RALGPS1: variants seen among roughly 807,000 people sequenced by gnomAD.
The protein encoded by RALGPS1 is Ral GEF with PH domain and SH3 binding motif 1, also known as ras-specific guanine nucleotide-releasing factor RalGPS1.
Under a neutral mutation model 78.8 loss-of-function variants are expected in RALGPS1, and 19 were observed. The ratio of observed to expected loss-of-function variants is 0.24; its 90% CI spans 0.17 to 0.35. The LOEUF is 0.35. Ranked by LOEUF, RALGPS1 falls within the 10% of genes least tolerant of loss-of-function variation. The pLI is 1.00. For synonymous variants in RALGPS1, 228 were observed against 256.3 expected, an observed-to-expected ratio of 0.89 and a Z score of 1.06; for missense variants, 454 against 688.3, an observed-to-expected ratio of 0.66 and a Z score of 3.81.
At chr9:127,093,489 C>T (rs1048620741) in intron 8 of RALGPS1, among the ~76,000 whole-genome samples, 1 of 152,230 alleles carries the variant, frequency 6.6e-6, no homozygotes, top group East Asian at 1.9e-4. Context: ...TCTACTGACT[C>T]TTGTCCTGCA....
chr9:126,975,486 C>T (rs570571300), intron 3 of RALGPS1, among the ~76,000 whole-genome samples: 10 of 152,308 alleles, frequency 6.6e-5, no homozygotes, highest in Admixed American at 2.0e-4. Flanking sequence ...CCGGTTCTCC[C>T]GGATAGGGTG....
chr9:127,109,065 G>GC (rs907293426), intron 8 of RALGPS1, among the ~76,000 whole-genome samples: 5 of 152,152 alleles, frequency 3.3e-5, no homozygotes, highest in East Asian at 1.9e-4. Flanking sequence ...AATGCCCGCA[G>GC]CCCCCTTGCT....
intron 4 of RALGPS1, 131 bp from the exon 5 acceptor site, chr9:127,034,300 A>G (rs1253814516): frequency 1.3e-6 from 1 of 755,440 alleles, no homozygotes; most frequent in Non-Finnish European, 2.3e-6. Flanking sequence ...TCTTCCACCT[A>G]GTAAAGATGG....
intron 1 of RALGPS1, among the ~76,000 whole-genome samples, chr9:126,943,095 A>C (rs990179983): frequency 2.6e-5 from 4 of 152,082 alleles, no homozygotes; most frequent in Admixed American, 2.6e-4. Context: ...TTTATAGTTC[A>C]TTGATGTCAT....
At chr9:127,104,843 C>T (rs1441021757) in intron 8 of RALGPS1, among the ~76,000 whole-genome samples, 3 of 152,258 alleles carry the variant, frequency 2.0e-5, no homozygotes, top group Non-Finnish European at 4.4e-5. Flanking sequence ...AAAGGTATTT[C>T]TGGCTAAGTG....
intron 1 of RALGPS1, among the ~76,000 whole-genome samples, chr9:126,945,638 G>A (rs964390310): frequency 6.6e-6 from 1 of 152,142 alleles, no homozygotes; most frequent in African/African-American, 2.4e-5. Flanking sequence ...GCTGTACTTG[G>A]CTCTGGGAGA....
At chr9:127,037,664 C>G (rs1390000297) in intron 5 of RALGPS1, among the ~76,000 whole-genome samples, 3 of 152,216 alleles carry the variant, frequency 2.0e-5, no homozygotes, top group Non-Finnish European at 4.4e-5. Context: ...GTAGCCTCCC[C>G]CTGTGGTTGC....
chr9:127,098,185 G>T (rs1049208110), intron 8 of RALGPS1, among the ~76,000 whole-genome samples: 1 of 152,174 alleles, frequency 6.6e-6, no homozygotes, highest in African/African-American at 2.4e-5. Context: ...AGTGGAGAAG[G>T]CCACAAAGAT....
chr9:127,050,477 C>T (rs1189132160), intron 6 of RALGPS1, among the ~76,000 whole-genome samples: 1 of 152,218 alleles, frequency 6.6e-6, no homozygotes, highest in African/African-American at 2.4e-5. Context: ...TAGATTTAGC[C>T]AGTTCTGGGG....
At chr9:127,195,044 C>G (rs770139960) in intron 11 of RALGPS1, 47 bp from the exon 12 acceptor site, 1 of 1,603,230 alleles carries the variant, frequency 6.2e-7, no homozygotes, top group South Asian at 1.1e-5. Flanking sequence ...CAGCCCCTCA[C>G]CCTCCCATCA....
intron 1 of RALGPS1, among the ~76,000 whole-genome samples, chr9:126,928,819 C>T (rs1406618609): frequency 6.6e-6 from 1 of 152,094 alleles, no homozygotes; most frequent in Non-Finnish European, 1.5e-5. Flanking sequence ...CCAGGCTGAT[C>T]ACAAACTCCT....
At chr9:127,110,553 T>C (rs1011848308) in intron 8 of RALGPS1, among the ~76,000 whole-genome samples, 2 of 152,220 alleles carry the variant, frequency 1.3e-5, no homozygotes, top group Non-Finnish European at 2.9e-5. Flanking sequence ...CCCAGGACTC[T>C]AGACTCATAC....
intron 8 of RALGPS1, among the ~76,000 whole-genome samples, chr9:127,157,088 A>T (rs2058743945): frequency 6.6e-6 from 1 of 152,086 alleles, no homozygotes; most frequent in South Asian, 2.1e-4. Flanking sequence ...TAGCAATACT[A>T]TACTGCTTAA....
intron 11 of RALGPS1, chr9:127,184,195 C>T (rs993833198): frequency 8.1e-5 from 60 of 741,118 alleles, no homozygotes; most frequent in Admixed American, 8.1e-4. Flanking sequence ...CATGGTGGTG[C>T]GTGCCTACAG....
chr9:127,039,052 G>T (rs1426895287), intron 5 of RALGPS1, among the ~76,000 whole-genome samples: 1 of 152,134 alleles, frequency 6.6e-6, no homozygotes, highest in Non-Finnish European at 1.5e-5. Context: ...GGAGGTCATT[G>T]GATATTTGAG....
chr9:126,971,736 A>G (rs941656768), intron 3 of RALGPS1, among the ~76,000 whole-genome samples: 2 of 152,194 alleles, frequency 1.3e-5, no homozygotes, highest in Non-Finnish European at 2.9e-5. Context: ...AGCAGTAAAC[A>G]TGCAATTACT....
intron 8 of RALGPS1, among the ~76,000 whole-genome samples, chr9:127,141,033 G>A (rs1345964206): frequency 6.6e-6 from 1 of 152,222 alleles, no homozygotes; most frequent in Non-Finnish European, 1.5e-5. Context: ...ACCAAAGGGA[G>A]TAGGAGAGGA....
At chr9:127,002,226 A>G (rs1415745417) in intron 4 of RALGPS1, among the ~76,000 whole-genome samples, 1 of 152,138 alleles carries the variant, frequency 6.6e-6, no homozygotes, top group East Asian at 1.9e-4. Flanking sequence ...TAAAATACGT[A>G]CATTTTGTCT....
intron 8 of RALGPS1, among the ~76,000 whole-genome samples, chr9:127,083,533 G>T (rs1277818000): frequency 3.3e-5 from 5 of 152,214 alleles, no homozygotes; most frequent in Non-Finnish European, 7.4e-5. Flanking sequence ...GCATCTTGAA[G>T]GCTTTCCAGG....
Sources: allele counts gnomAD v4.1 joint callset (sites outside exome capture counted in the v4.1 genomes callset), GRCh38; gene constraint gnomAD v4.1.1; transcripts MANE v1.5; gene names NCBI Gene and HGNC (gene_info 2026-07-23, HGNC 2026-07-21).